The following IL20RA variants were observed in gnomAD, a reference collection of about 807,000 sequenced individuals.
IL20RA encodes interleukin-20 receptor subunit alpha.
Under a neutral mutation model 36.5 loss-of-function variants are expected in IL20RA, and 29 were observed. That is an observed-to-expected ratio of 0.79 (90% CI 0.59 to 1.08). The LOEUF (loss-of-function observed/expected upper bound fraction) is 1.08, where lower values mean the gene tolerates loss of function less well. Among genes scored for constraint, IL20RA ranks in the 50% least tolerant of loss-of-function variants. IL20RA has a pLI of 0.00. For missense variants in IL20RA, 652 were observed against 668.4 expected (o/e 0.98, Z 0.27); for synonymous variants, 279 against 267.1 (o/e 1.04, Z -0.43).
Position 137,009,498 on chromosome 6 carries a change from A to G in IL20RA, c.404-6T>C, listed in dbSNP as rs371581891. On this transcript the variant is annotated splice_region_variant and splice_polypyrimidine_tract_variant and intron_variant, in intron 3 of 6. Coordinates refer to ENST00000316649, the MANE Select transcript of IL20RA (RefSeq NM_014432.4). ...CTCTGGTGGGCCAATTTGTGCTTAA[A>G]GGGGGAGAAAGAGGGTATTATCATG... The G allele has an allele frequency of 8.2e-6, 13 of 1,582,624 alleles. No homozygotes were observed. The Admixed American group carries it at 2.2e-4, about 26-fold the overall frequency.
chr6:137,000,736 C>T lies in IL20RA; in HGVS notation c.*822G>A, dbSNP rs1562225453. 1 of 152,166 alleles carries T rather than the reference C, an allele frequency of 6.6e-6. No individual in the cohort carries two copies. The highest frequency in any genetic ancestry group is 2.4e-5 in the African/African-American group (1 of 41,436). The allele number at this position is 152,166 out of a possible 1,614,324, so 9.4% of individuals were successfully genotyped here. On this transcript the variant is annotated 3_prime_UTR_variant, in exon 7 of 7. Transcript: ENST00000316649. ...AGTAACACAGTAACCTAGAGCTTTA[C>T]CTAACACTTTCTAGTTTACAGACTA...
At chr6:137,003,055 A>G (rs1775141117) in intron 6 of IL20RA, among the ~76,000 whole-genome samples, 1 of 152,250 alleles carries the variant, frequency 6.6e-6, no homozygotes, top group East Asian at 1.9e-4. Context: ...AGCATGAGTT[A>G]CAATCCTCAT....
intron 6 of IL20RA, among the ~76,000 whole-genome samples, chr6:137,004,167 T>C (rs900529510): frequency 8.0e-6 from 1 of 125,380 alleles, no homozygotes; most frequent in South Asian, 2.8e-4. Flanking sequence ...AGCTTTTTTT[T>C]TTTTTTTTTT....
At chr6:137,032,085 A>G (rs989696086) in intron 1 of IL20RA, among the ~76,000 whole-genome samples, 4 of 152,092 alleles carry the variant, frequency 2.6e-5, no homozygotes, top group Non-Finnish European at 4.4e-5. Flanking sequence ...AAGAAAAAAA[A>G]GAAAATAAAT....
intron 1 of IL20RA, among the ~76,000 whole-genome samples, chr6:137,023,466 C>T (rs1164826700): frequency 1.3e-5 from 2 of 152,290 alleles, no homozygotes; most frequent in Non-Finnish European, 1.5e-5. Context: ...TCCTTTGCTG[C>T]AGGGGAAAAT....
At chr6:137,044,307 C>A in intron 1 of IL20RA, 1 of 1,025,276 alleles carries the variant, frequency 9.8e-7, no homozygotes, top group Non-Finnish European at 1.2e-6. Flanking sequence ...GTAACCGTCC[C>A]CGACCGCAAG....
chr6:137,035,153 T>C (rs1485844542), intron 1 of IL20RA, among the ~76,000 whole-genome samples: 1 of 152,152 alleles, frequency 6.6e-6, no homozygotes, highest in Non-Finnish European at 1.5e-5. Flanking sequence ...AAATATTTTA[T>C]ATAACATAGA....
At chr6:137,033,378 T>C (rs1776366830) in intron 1 of IL20RA, among the ~76,000 whole-genome samples, 1 of 152,228 alleles carries the variant, frequency 6.6e-6, no homozygotes, top group South Asian at 2.1e-4. Flanking sequence ...AATCTCATGT[T>C]GAAGTACTAA....
At chr6:137,037,285 C>T (rs893041425) in intron 1 of IL20RA, among the ~76,000 whole-genome samples, 2 of 152,002 alleles carry the variant, frequency 1.3e-5, no homozygotes, top group Admixed American at 6.6e-5. Flanking sequence ...TGTAATGCAG[C>T]GATTGCTACC....
At chr6:137,033,664 C>A (rs1021188517) in intron 1 of IL20RA, among the ~76,000 whole-genome samples, 5 of 152,218 alleles carry the variant, frequency 3.3e-5, no homozygotes, top group African/African-American at 1.2e-4. Context: ...GAGGCCTCCC[C>A]AAAAGCCAAG....
intron 6 of IL20RA, among the ~76,000 whole-genome samples, chr6:137,002,590 C>G (rs1775118925): frequency 1.3e-5 from 2 of 152,232 alleles, no homozygotes; most frequent in African/African-American, 4.8e-5. Context: ...GGGTATTTCT[C>G]CAGTCCAGGG....
intron 6 of IL20RA, among the ~76,000 whole-genome samples, chr6:137,004,172 T>TTTTTTTTTTTTTTTTG (rs1775187770): frequency 7.5e-6 from 1 of 132,684 alleles, no homozygotes; most frequent in Non-Finnish European, 1.6e-5. Context: ...TTTTTTTTTT[T>TTTTTTTTTTTTTTTTG]TTTTTTTTTT....
At chr6:137,019,372 T>C (rs1171534108) in intron 1 of IL20RA, among the ~76,000 whole-genome samples, 1 of 152,030 alleles carries the variant, frequency 6.6e-6, no homozygotes, top group Non-Finnish European at 1.5e-5. Context: ...CAGGTGATCC[T>C]GCCATCTTGG....
chr6:137,026,076 T>A (rs1286850287), intron 1 of IL20RA, among the ~76,000 whole-genome samples: 1 of 152,188 alleles, frequency 6.6e-6, no homozygotes, highest in African/African-American at 2.4e-5. Context: ...TTCTGGAGAC[T>A]CCCCTTTGGG....
chr6:137,001,832 T>C lies in IL20RA; in HGVS notation c.1388A>G (p.Glu463Gly). The change falls in exon 7 of 7, where the codon GAG (glutamate) becomes GGG (glycine). Residue 463 changes from glutamate to glycine, a missense_variant. Transcript: ENST00000316649. ...CGGCCCCTCCTCCGAGTCTGTGTGC[T>C]CCTGCGCCAGGGGGTCTAAGTCTTG... Reference protein sequence around the residue: ...QLQDLDPLAQEHTDSEEGPEE... With the variant: ...QLQDLDPLAQGHTDSEEGPEE... The C allele has an allele frequency of 6.2e-7, 1 of 1,613,612 alleles. No individual in the cohort carries two copies. The highest frequency in any genetic ancestry group is 1.1e-5 in the South Asian group (1 of 91,002).
intron 1 of IL20RA, among the ~76,000 whole-genome samples, chr6:137,032,698 A>G (rs1158736820): frequency 6.6e-6 from 1 of 152,244 alleles, no homozygotes; most frequent in Non-Finnish European, 1.5e-5. Context: ...CATGATCTCA[A>G]CTGGAATCTC....
At chr6:137,017,728 T>A (rs1470767929) in intron 1 of IL20RA, among the ~76,000 whole-genome samples, 1 of 151,916 alleles carries the variant, frequency 6.6e-6, no homozygotes, top group African/African-American at 2.4e-5. Context: ...AGTAAAGCAA[T>A]AATTAGAAAA....
chr6:137,029,896 G>A (rs1211822604), intron 1 of IL20RA, among the ~76,000 whole-genome samples: 1 of 150,028 alleles, frequency 6.7e-6, no homozygotes, highest in South Asian at 2.1e-4. Context: ...TTTTCAGAAG[G>A]AAAGTCAACA....
At chr6:137,011,203 G>T in intron 3 of IL20RA, 71 bp downstream of exon 3, 1 of 1,289,284 alleles carries the variant, frequency 7.8e-7, no homozygotes, top group Non-Finnish European at 1.1e-6. Flanking sequence ...AAGGCTGTCT[G>T]TGAGGCTGAG....
Sources: allele counts gnomAD v4.1 joint callset (sites outside exome capture counted in the v4.1 genomes callset), GRCh38; gene constraint gnomAD v4.1.1; transcripts MANE v1.5; gene names NCBI Gene and HGNC (gene_info 2026-07-23, HGNC 2026-07-21).